MAPK7: variants seen among roughly 807,000 people sequenced by gnomAD.
MAPK7 encodes the protein BMK-1.
In MAPK7, 30 loss-of-function variants were observed where a neutral mutation model predicts 56.9. That is an observed-to-expected ratio of 0.53 (90% CI 0.39 to 0.72). The LOEUF (loss-of-function observed/expected upper bound fraction) is 0.72, where lower values mean the gene tolerates loss of function less well. Among genes scored for constraint, MAPK7 ranks in the 30% least tolerant of loss-of-function variants. MAPK7 has a pLI of 0.00. For synonymous variants in MAPK7, 516 were observed against 449.3 expected (o/e 1.15, Z -1.88); for missense variants, 952 against 1,110.8 (o/e 0.86, Z 2.03).
Position 19,382,893 on chromosome 17 carries a change from G to T in MAPK7, c.2244G>T (p.Glu748Asp). ...GAGYGVGFDL[E>D]EFLNQSFDMG... ...GCTACGGTGTTGGCTTTGACCTGGA[G>T]GAATTCTTAAACCAGTCTTTCGACA... Residue 748 changes from glutamate (E) to aspartate (D), a missense_variant, in exon 6 of 7, where the codon GAG (glutamate) becomes GAT (aspartate). Physicochemically the swap from Glu to Asp is conservative, Grantham distance 45 (BLOSUM62 2). Around this residue, in one of 5 missense-constraint regions of MAPK7, gnomAD observed 73 missense variants for 104.6 expected, o/e 0.70. Transcript: ENST00000395604. The T allele has an allele frequency of 2.5e-6, 4 of 1,614,232 alleles. No homozygotes were observed. The highest frequency in any genetic ancestry group is 3.4e-6 in the Non-Finnish European group (4 of 1,180,036).
chr17:19,382,670 A>G (rs1417665135), intron 5 of MAPK7, 143 bp from the exon 6 acceptor site: 3 of 1,407,040 alleles, frequency 2.1e-6, no homozygotes, highest in African/African-American at 2.9e-5. Flanking sequence ...TGCCTAGCCC[A>G]GAGATGGGGC....
chr17:19,381,694 G>A lies in MAPK7; in HGVS notation c.1477+8G>A, dbSNP rs200609775. The stretch of plus-strand genomic sequence containing the variant: ...TGAGGAGCCGGCTCAGAGGTGCCTT[G>A]TGGGCAGGTCGGGTGGGCAGAGGGG... On this transcript the variant is annotated splice_region_variant and intron_variant, in intron 4 of 6. Coordinates refer to ENST00000395604, the MANE Select transcript of MAPK7 (RefSeq NM_002749.4). The surrounding 1 kb of genome is among the most constrained non-coding windows in gnomAD (Gnocchi z 4.6). 1 of 1,573,010 alleles carries A rather than the reference G, an allele frequency of 6.4e-7. No individual in the cohort carries two copies. Among genetic ancestry groups the A allele is most frequent in the African/African-American group, 1.4e-5 (1 of 73,800 alleles).
upstream of MAPK7, chr17:19,378,429 A>G: frequency 3.0e-6 from 3 of 1,011,292 alleles, no homozygotes; most frequent in Middle Eastern, 5.0e-4. This position sits in a 1 kb window ranked among gnomAD's most constrained non-coding sequence, Gnocchi z 5.4. Flanking sequence ...CCTCCGCAGC[A>G]GTAGCTCAGC....
At chr17:19,380,181 G>C (rs574107138) in intron 3 of MAPK7, 42 of 571,122 alleles carry the variant, frequency 7.4e-5, no homozygotes, top group Non-Finnish European at 3.0e-5. Context: ...TCAAATGTAG[G>C]ACATTCCTAC....
chr17:19,379,112 C>G lies in MAPK7; in HGVS notation c.212C>G (p.Ser71Cys). 2 of 1,611,354 alleles carry G rather than the reference C, an allele frequency of 1.2e-6. No individual in the cohort carries two copies. The highest frequency in any genetic ancestry group is 2.2e-5 in the South Asian group (2 of 90,900). ...AACGGGGCCTATGGAGTGGTGTCCTCCGCCCGCCGCCGCCTCACCGGTGAG... is the reference window on the plus strand; with the variant it reads ...AACGGGGCCTATGGAGTGGTGTCCTGCGCCCGCCGCCGCCTCACCGGTGAG... ...IGNGAYGVVSSARRRLTGQQV... is the reference protein window; with the variant it reads ...IGNGAYGVVSCARRRLTGQQV... Residue 71 changes from serine to cysteine, a missense_variant, in exon 2 of 7, where the codon TCC (serine) becomes TGC (cysteine). By Grantham distance (112) the Ser-to-Cys change is moderately radical (BLOSUM62 -1). This residue lies in a region of MAPK7 where 213 missense variants were observed against 243.2 expected (regional missense o/e 0.88). Transcript: ENST00000395604.
rs1452397412 is a variant in MAPK7, at chr17:19,381,921, C to T, written c.1618C>T (p.Arg540Ter). Reference protein sequence around the residue: ...EREKRRQERERKERGAGASGG... With the variant: ...EREKRRQERE Reference sequence around the variant, plus strand: ...GGAGAAACGGCGGCAGGAGCGGGAGCGAAAGGAACGGGGGGCTGGGGCCTC... The same window carrying T: ...GGAGAAACGGCGGCAGGAGCGGGAGTGAAAGGAACGGGGGGCTGGGGCCTC... The change falls in exon 5 of 7, where the codon CGA (arginine) becomes TGA (stop). Residue 540 changes from arginine (R) to a stop codon, truncating the protein, a stop_gained. Transcript: ENST00000395604. LOFTEE classifies it high-confidence loss of function. This position sits in a 1 kb window ranked among gnomAD's most constrained non-coding sequence, Gnocchi z 4.6. 1 of 1,553,122 alleles carries T rather than the reference C, an allele frequency of 6.4e-7. No individual in the cohort carries two copies. Among genetic ancestry groups the T allele is most frequent in the Admixed American group, 2.0e-5 (1 of 51,052 alleles).
chr17:19,381,254 A>G lies in MAPK7; in HGVS notation c.1045A>G (p.Lys349Glu), dbSNP rs1174501521. 6.2e-7 allele frequency: 1 copy of G among 1,613,914 alleles called. No individual in the cohort carries two copies. Among genetic ancestry groups the G allele is most frequent in the African/African-American group, 1.3e-5 (1 of 74,942 alleles). ...AAALRHPFLA[K>E]YHDPDDEPDC... Reference sequence around the variant, plus strand: ...TGCCCTTCGCCACCCTTTCCTGGCCAAGTACCATGATCCTGATGATGAGCC... The same window carrying G: ...TGCCCTTCGCCACCCTTTCCTGGCCGAGTACCATGATCCTGATGATGAGCC... Residue 349 changes from lysine (K) to glutamate (E), a missense_variant, in exon 4 of 7, where the codon AAG becomes GAG. Physicochemically the swap from Lys to Glu is moderately conservative, Grantham distance 56. Transcript: ENST00000395604. The surrounding 1 kb of genome is among the most constrained non-coding windows in gnomAD (Gnocchi z 4.6).
In MAPK7 at chr17:19,382,106, A is replaced by G. The variant is rs1395643165; in HGVS notation, c.1803A>G (p.Gln601=). 1.2e-6 allele frequency: 2 copies of G among 1,611,604 alleles called. No individual in the cohort carries two copies. Among genetic ancestry groups the G allele is most frequent in the South Asian group, 1.1e-5 (1 of 90,956 alleles). Residue 601 remains glutamine, a synonymous_variant, in exon 5 of 7, where the codon CAA becomes CAG. Coordinates refer to ENST00000395604, the MANE Select transcript of MAPK7 (RefSeq NM_002749.4). ...CAACGCCAACCCCAACCCCAGTCCA[A>G]CCTACCAGTCCTCCTCCTGGCCCTG... is the stretch of plus-strand genomic sequence containing the variant. ...PAPTPTPTPV[Q]PTSPPPGPVA...
rs773210419 is a variant in MAPK7 at position 19,380,845 on chromosome 17, T to G, written c.636T>G (p.Ala212=). 1.2e-6 allele frequency: 2 copies of G among 1,613,862 alleles called. No homozygotes were observed. The highest frequency in any genetic ancestry group is 1.7e-6 in the Non-Finnish European group (2 of 1,179,844). ...GMARGLCTSP[A]EHQYFMTEYV... ...CTCGTGGCCTGTGCACCTCGCCCGCTGAACATCAGTACTTCATGACTGAGT... is the reference window on the plus strand; with the variant it reads ...CTCGTGGCCTGTGCACCTCGCCCGCGGAACATCAGTACTTCATGACTGAGT... The change falls in exon 4 of 7, where the codon GCT becomes GCG. Residue 212 remains alanine, a synonymous_variant. Transcript: ENST00000395604.
At chr17:19,379,639 A>G in intron 2 of MAPK7, 143 bp from the exon 3 acceptor site, 2 of 707,004 alleles carry the variant, frequency 2.8e-6, no homozygotes, top group Non-Finnish European at 4.7e-6. Context: ...CATGCTTAGC[A>G]CAGGGCTTGG....
At position 19,382,259 on chromosome 17, in the gene MAPK7, C is replaced by T. The variant is rs772589753; in HGVS notation, c.1956C>T (p.Pro652=). The T allele has an allele frequency of 1.1e-4, 174 of 1,612,212 alleles. 1 individual carries two copies. The highest frequency in any genetic ancestry group is 3.3e-4 in the Middle Eastern group (2 of 6,078). ...PTGPPGPIPV[P]APPQIATSTS... ...GCCCTCCTGGGCCCATCCCTGTCCC[C>T]GCGCCACCCCAGATTGCCACCTCCA... is the stretch of plus-strand genomic sequence containing the variant. Residue 652 remains proline (P), a synonymous_variant, in exon 5 of 7, where the codon CCC becomes CCT. Transcript: ENST00000395604.
upstream of MAPK7, chr17:19,378,099 A>C: frequency 1.0e-6 from 1 of 981,822 alleles, no homozygotes; most frequent in Non-Finnish European, 1.2e-6. The surrounding 1 kb of genome is among the most constrained non-coding windows in gnomAD (Gnocchi z 5.4). Context: ...GCCAGTAGCC[A>C]AGGTAACAGT....
chr17:19,382,589 T>C (rs1912813022), intron 5 of MAPK7, 123 bp downstream of exon 5: 7 of 1,492,930 alleles, frequency 4.7e-6, no homozygotes, highest in Non-Finnish European at 6.2e-6. Flanking sequence ...GAACGTGTCC[T>C]CTTGCTCACA....
Position 19,381,886 on chromosome 17 carries a change from C to T in MAPK7, c.1583C>T (p.Ala528Val). 1 of 1,569,606 alleles carries T rather than the reference C, an allele frequency of 6.4e-7. No homozygotes were observed. The highest frequency in any genetic ancestry group is 8.6e-7 in the Non-Finnish European group (1 of 1,156,876). Reference sequence around the variant, plus strand: ...AAGCGGCGGAGGCGGCAAGAACGAGCCAAGGAGCGGGAGAAACGGCGGCAG... The same window carrying T: ...AAGCGGCGGAGGCGGCAAGAACGAGTCAAGGAGCGGGAGAAACGGCGGCAG... ...EEKRRRRQER[A>V]KEREKRRQER... The change falls in exon 5 of 7, where the codon GCC (alanine) becomes GTC (valine). Residue 528 changes from alanine (A) to valine (V), a missense_variant. Coordinates refer to ENST00000395604, the MANE Select transcript of MAPK7 (RefSeq NM_002749.4). This position sits in a 1 kb window ranked among gnomAD's most constrained non-coding sequence, Gnocchi z 4.6.
chr17:19,379,983 G>A (rs766091047), intron 3 of MAPK7, 36 bp downstream of exon 3: 3 of 1,596,824 alleles, frequency 1.9e-6, no homozygotes, highest in Non-Finnish European at 2.6e-6. Flanking sequence ...CCAGACTTGG[G>A]ACTTTTCTGA....
chr17:19,379,977 A>C (rs772829494), intron 3 of MAPK7, 30 bp downstream of exon 3: 8 of 1,598,788 alleles, frequency 5.0e-6, no homozygotes, highest in Non-Finnish European at 6.0e-6. Flanking sequence ...AGGGAGCCAG[A>C]CTTGGGACTT....
Position 19,378,773 on chromosome 17 carries a change from C to A in MAPK7, c.-5-123C>A. 1 of 1,282,544 alleles carries A rather than the reference C, an allele frequency of 7.8e-7. No individual in the cohort carries two copies. The highest frequency in any genetic ancestry group is 1.0e-6 in the Non-Finnish European group (1 of 958,840). 79.4% of individuals were successfully genotyped at this position (1,282,544 alleles called of 1,614,324 possible). A position where few individuals can be genotyped will look rare whatever the true frequency, so the allele number is the denominator to read the frequency against. ...GGTAGCTAGTCTGCCACGAACCAGC[C>A]GCGCGCTTCTGCCCTTGTCGGTTTA... is the stretch of plus-strand genomic sequence containing the variant. On this transcript the variant is annotated intron_variant, in intron 1 of 6. Transcript: ENST00000395604. The surrounding 1 kb of genome is among the most constrained non-coding windows in gnomAD (Gnocchi z 5.4).
rs1453770827 is a variant in MAPK7 at position 19,382,353 on chromosome 17, T to C, written c.2050T>C (p.Leu684=). ...GCCTGGCTCCAGCACCCCAGGAGTT[T>C]TGCCTTACTTCCCACCTGGCCTGCC... The part of the protein sequence containing the change: ...GLPGSSTPGV[L]PYFPPGLPPP... The change falls in exon 5 of 7, where the codon TTG becomes CTG. Residue 684 remains leucine, a synonymous_variant. Coordinates refer to ENST00000395604, the MANE Select transcript of MAPK7 (RefSeq NM_002749.4). The C allele has an allele frequency of 1.9e-6, 3 of 1,613,488 alleles. No homozygotes were observed. The highest frequency in any genetic ancestry group is 2.5e-6 in the Non-Finnish European group (3 of 1,180,006).
chr17:19,380,023 A>G, intron 3 of MAPK7, 76 bp downstream of exon 3: 6 of 1,513,310 alleles, frequency 4.0e-6, no homozygotes, highest in Non-Finnish European at 5.4e-6. Flanking sequence ...GAAGTTCTGG[A>G]AAGGCAGCTG....
Sources: gnomAD v4.1 joint callset for allele counts on GRCh38, gnomAD v4.1.1 for gene constraint, gnomAD v4.1.1 regional missense constraint, Gnocchi (gnomAD v3.1) non-coding constraint, MANE v1.5 for transcripts, NCBI Gene and HGNC (gene_info 2026-07-23, HGNC 2026-07-21) for gene names.